ARHGAP10: variants seen among roughly 807,000 people sequenced by gnomAD.
The protein encoded by ARHGAP10 is Rho GTPase activating protein 10, also known as rho GTPase-activating protein 10.
ARHGAP10 carries 87 observed loss-of-function variants against 108.6 expected under a neutral mutation model. The observed-to-expected ratio is 0.80, with a 90% CI of 0.67 to 0.96. The LOEUF (loss-of-function observed/expected upper bound fraction) is 0.96. ARHGAP10 is among the 40% of genes least tolerant of loss of function. The probability of loss-of-function intolerance (pLI) is 0.00; values close to 1 mark genes in which losing one functional copy is unlikely to be tolerated. For synonymous variants in ARHGAP10, 347 were observed against 341.1 expected, an observed-to-expected ratio of 1.02 and a Z score of -0.19; for missense variants, 939 against 954.5, an observed-to-expected ratio of 0.98 and a Z score of 0.21.
chr4:147,901,526 A>G (rs1436864506), intron 10 of ARHGAP10, among the ~76,000 whole-genome samples: 3 of 152,194 alleles, frequency 2.0e-5, no homozygotes, highest in Non-Finnish European at 2.9e-5. Flanking sequence ...TTAATCTCTC[A>G]TCTTTCAACA....
At chr4:147,875,851 C>T (rs1194410246) in intron 8 of ARHGAP10, among the ~76,000 whole-genome samples, 1 of 152,204 alleles carries the variant, frequency 6.6e-6, no homozygotes, top group African/African-American at 2.4e-5. Flanking sequence ...AGACTTTGAA[C>T]ATTTGGTCTT....
intron 10 of ARHGAP10, among the ~76,000 whole-genome samples, chr4:147,897,594 G>A (rs1179029719): frequency 6.6e-6 from 1 of 151,944 alleles, no homozygotes; most frequent in Non-Finnish European, 1.5e-5. Flanking sequence ...CATAATATCT[G>A]CCTTCTCAAA....
At chr4:148,034,727 G>T (rs1728300136) in intron 19 of ARHGAP10, among the ~76,000 whole-genome samples, 1 of 152,172 alleles carries the variant, frequency 6.6e-6, no homozygotes, top group African/African-American at 2.4e-5. Context: ...CATTGTCTCA[G>T]CTGTACTGGA....
At chr4:147,825,308 G>T (rs1732663145) in intron 3 of ARHGAP10, among the ~76,000 whole-genome samples, 1 of 152,056 alleles carries the variant, frequency 6.6e-6, no homozygotes, top group African/African-American at 2.4e-5. Context: ...AAATTAGCTG[G>T]GTGTTGTGGG....
intron 18 of ARHGAP10, among the ~76,000 whole-genome samples, chr4:147,989,530 G>T (rs1360232065): frequency 6.6e-6 from 1 of 152,170 alleles, no homozygotes; most frequent in Non-Finnish European, 1.5e-5. Context: ...CCTACCCCTA[G>T]GTGCGCATTC....
At chr4:147,813,656 G>A (rs1732120529) in intron 1 of ARHGAP10, among the ~76,000 whole-genome samples, 1 of 152,218 alleles carries the variant, frequency 6.6e-6, no homozygotes, top group Non-Finnish European at 1.5e-5. Context: ...TAAACACACA[G>A]AGAGAAGCCA....
chr4:148,043,781 T>A (rs374752738), intron 19 of ARHGAP10, among the ~76,000 whole-genome samples: 2 of 146,502 alleles, frequency 1.4e-5, no homozygotes, highest in African/African-American at 5.0e-5. Context: ...TATATGTATA[T>A]ATATATGTAT....
chr4:147,825,862 A>G (rs1426005518), intron 3 of ARHGAP10, among the ~76,000 whole-genome samples: 4 of 152,186 alleles, frequency 2.6e-5, no homozygotes, highest in Admixed American at 2.6e-4. Context: ...TTTATGTTCC[A>G]GTTGCTGTTG....
intron 13 of ARHGAP10, among the ~76,000 whole-genome samples, chr4:147,928,387 T>C (rs774458797): frequency 6.6e-6 from 1 of 152,110 alleles, no homozygotes; most frequent in Non-Finnish European, 1.5e-5. Context: ...CTGTGTTGAG[T>C]CTCTGGTTTG....
intron 1 of ARHGAP10, among the ~76,000 whole-genome samples, chr4:147,750,808 G>T (rs1383673065): frequency 6.6e-6 from 1 of 151,606 alleles, no homozygotes; most frequent in Non-Finnish European, 1.5e-5. Flanking sequence ...TCACCATATT[G>T]GCCAGGCTGG....
chr4:147,921,665 A>G (rs150444002), intron 13 of ARHGAP10, among the ~76,000 whole-genome samples: 56 of 152,312 alleles, frequency 3.7e-4, no homozygotes, highest in African/African-American at 1.2e-3. Context: ...TCAGAAGCCA[A>G]AAGCAGTTAC....
intron 10 of ARHGAP10, among the ~76,000 whole-genome samples, chr4:147,884,226 CTTTT>C (rs1391254548): frequency 2.0e-5 from 3 of 152,078 alleles, no homozygotes; most frequent in Non-Finnish European, 2.9e-5. Context: ...ATTTTCTTTT[CTTTT>C]TTTGTCAGCC....
intron 5 of ARHGAP10, chr4:147,863,713 A>C (rs1454136349): frequency 6.6e-6 from 1 of 152,162 alleles, no homozygotes; most frequent in East Asian, 1.9e-4. Flanking sequence ...TGAACTATTG[A>C]ATTCTGGTTA....
intron 3 of ARHGAP10, among the ~76,000 whole-genome samples, chr4:147,841,972 A>T (rs972074347): frequency 2.0e-5 from 3 of 152,100 alleles, no homozygotes; most frequent in Non-Finnish European, 4.4e-5. Flanking sequence ...TTGCTCTGTC[A>T]CCCATGCTAG....
chr4:147,916,354 A>C (rs1019998793), intron 13 of ARHGAP10, among the ~76,000 whole-genome samples: 5 of 152,334 alleles, frequency 3.3e-5, no homozygotes, highest in African/African-American at 1.2e-4. Context: ...CTACTGTGAC[A>C]ATACTTACTA....
At chr4:147,966,999 G>A (rs938146626) in intron 18 of ARHGAP10, among the ~76,000 whole-genome samples, 160 bp downstream of exon 18, 13 of 152,176 alleles carry the variant, frequency 8.5e-5, no homozygotes, top group Non-Finnish European at 1.2e-4. Context: ...TTGAGCTTCT[G>A]TCTTCTGATG....
chr4:147,852,720 TTTTTTTTTTTA>T (rs1357487399), intron 4 of ARHGAP10, among the ~76,000 whole-genome samples: 3 of 34,510 alleles, frequency 8.7e-5, no homozygotes, highest in Non-Finnish European at 1.7e-4. Context: ...TTTTTTTTTT[TTTTTTTTTTTA>T]AAATGGAGCG....
At chr4:147,898,479 A>G (rs555615981) in intron 10 of ARHGAP10, among the ~76,000 whole-genome samples, 2 of 150,036 alleles carry the variant, frequency 1.3e-5, no homozygotes, top group Admixed American at 1.3e-4. Context: ...TGCCTTGCCC[A>G]GGGTTCCATT....
At chr4:147,740,254 C>T (rs1728605875) in intron 1 of ARHGAP10, among the ~76,000 whole-genome samples, 1 of 152,178 alleles carries the variant, frequency 6.6e-6, no homozygotes, top group African/African-American at 2.4e-5. Context: ...GATGGAGTTT[C>T]ACCATGTTGG....
Sources: allele counts gnomAD v4.1 joint callset (sites outside exome capture counted in the v4.1 genomes callset), GRCh38; gene constraint gnomAD v4.1.1; transcripts MANE v1.5; gene names NCBI Gene and HGNC (gene_info 2026-07-23, HGNC 2026-07-21).